ABR: variants seen among roughly 807,000 people sequenced by gnomAD.
ABR encodes the protein ABR activator of RhoGEF and GTPase.
A neutral mutation model predicts 107.2 loss-of-function variants in ABR; 35 were observed. The ratio of observed to expected loss-of-function variants is 0.33; its 90% confidence interval spans 0.25 to 0.43. The LOEUF is 0.43. ABR is among the 20% of genes least tolerant of loss of function. ABR has a pLI of 1.00. For missense variants in ABR, 815 were observed against 1,115.2 expected (o/e 0.73, Z 3.83); for synonymous variants, 498 against 462.0 (o/e 1.08, Z -1.00).
At chr17:1,055,459 T>C (rs1260182886) in intron 14 of ABR, 1 of 152,412 alleles carries the variant, frequency 6.6e-6, no homozygotes, top group African/African-American at 2.4e-5. Context: ...TGGGCAGATA[T>C]GAAGTTGGAG....
chr17:1,160,074 G>A (rs1282866011), intron 1 of ABR, among the ~76,000 whole-genome samples: 3 of 152,152 alleles, frequency 2.0e-5, no homozygotes, highest in Non-Finnish European at 4.4e-5. Flanking sequence ...AGACAGGGAG[G>A]TAGGGCGCAG....
Position 1,046,686 on chromosome 17 carries a change from C to T in ABR, c.1791+3364G>A, listed in dbSNP as rs555758722. ...ATTAGCCATGCCACGGCCCTCTGTC[C>T]GGGCTGGGGGATTCGTTGACAAAGG... is the stretch of plus-strand genomic sequence containing the variant. On this transcript the variant is annotated intron_variant, in intron 16 of 22. Transcript: ENST00000302538. Among the ~76,000 whole-genome samples, 8 of 152,320 alleles carry T rather than the reference C, an allele frequency of 5.3e-5. No homozygotes were observed. In the East Asian group the frequency reaches 1.4e-3, roughly 26 times the overall value.
intron 14 of ABR, chr17:1,055,703 A>G (rs2033191709): frequency 4.4e-6 from 1 of 226,998 alleles, no homozygotes; most frequent in Admixed American, 4.9e-5. Flanking sequence ...TAATTTTAGT[A>G]TTTTTAGTAG....
At chr17:1,221,639 G>A (rs2043121552) in intron 1 of ABR, among the ~76,000 whole-genome samples, 1 of 152,206 alleles carries the variant, frequency 6.6e-6, no homozygotes, top group South Asian at 2.1e-4. Context: ...TTAAAGGAGG[G>A]GTTGGTTTGG....
chr17:1,183,761 G>A (rs2042207477), upstream of ABR, among the ~76,000 whole-genome samples: 1 of 152,290 alleles, frequency 6.6e-6, no homozygotes, highest in East Asian at 1.9e-4. Context: ...CCATGCGGGG[G>A]CCAGGCAGGG....
At chr17:1,211,016 A>G (rs1468935051) in intron 1 of ABR, among the ~76,000 whole-genome samples, 1 of 152,202 alleles carries the variant, frequency 6.6e-6, no homozygotes, top group East Asian at 1.9e-4. Context: ...GTGGTGGCTC[A>G]CGCCTATAAT....
At chr17:1,066,820 C>T (rs990014164) in intron 10 of ABR, among the ~76,000 whole-genome samples, 2 of 152,134 alleles carry the variant, frequency 1.3e-5, no homozygotes, top group Non-Finnish European at 2.9e-5. Flanking sequence ...TGAGCCACTG[C>T]GCCTGGCTAC....
chr17:1,152,105 CG>C (rs1416401503), intron 1 of ABR, among the ~76,000 whole-genome samples: 1 of 152,004 alleles, frequency 6.6e-6, no homozygotes, highest in Non-Finnish European at 1.5e-5. Context: ...CTGGTTAACA[CG>C]GGGAAACCCC....
intron 1 of ABR, among the ~76,000 whole-genome samples, chr17:1,144,011 G>A (rs1462912050): frequency 6.6e-6 from 1 of 152,110 alleles, no homozygotes; most frequent in African/African-American, 2.4e-5. Flanking sequence ...CTTTGACACG[G>A]GGGAAAACTG....
At chr17:1,215,301 C>G (rs559010159) in intron 1 of ABR, among the ~76,000 whole-genome samples, 3 of 151,700 alleles carry the variant, frequency 2.0e-5, no homozygotes, top group Admixed American at 1.3e-4. Flanking sequence ...CGAAGCTGGA[C>G]TGTACTGCTG....
chr17:1,221,682 T>TAC (rs1241173083), intron 1 of ABR, among the ~76,000 whole-genome samples: 2 of 152,080 alleles, frequency 1.3e-5, no homozygotes, highest in African/African-American at 4.8e-5. Flanking sequence ...GCGGGAGGGC[T>TAC]CTTCAAACGC....
At chr17:1,063,545 G>C (rs1597626058) in intron 10 of ABR, among the ~76,000 whole-genome samples, 1 of 142,732 alleles carries the variant, frequency 7.0e-6, no homozygotes, top group African/African-American at 2.5e-5. Flanking sequence ...GGCTATGCAT[G>C]TTCCTCTAGA....
chr17:1,165,894 G>A (rs372590433), intron 1 of ABR, among the ~76,000 whole-genome samples: 1 of 152,264 alleles, frequency 6.6e-6, no homozygotes, highest in Non-Finnish European at 1.5e-5. Context: ...CTGAGTCCAG[G>A]GCGTAGACCC....
At chr17:1,202,315 A>G (rs1370557994) in intron 1 of ABR, among the ~76,000 whole-genome samples, 3 of 152,222 alleles carry the variant, frequency 2.0e-5, no homozygotes, top group African/African-American at 7.2e-5. Flanking sequence ...GGTGTGAGAC[A>G]CCGCACCTGG....
Position 1,053,257 on chromosome 17 carries a change from GGC to G in ABR, c.1562-2625_1562-2624del, listed in dbSNP as rs1274260699. 1.7e-4 allele frequency among the ~76,000 whole-genome samples: 9 copies of G among 53,206 alleles called. 1 individual carries two copies. The highest frequency in any genetic ancestry group is 6.4e-4 in the East Asian group (1 of 1,570). The allele number at this position is 53,206 out of a possible 152,430, so 34.9% of individuals were successfully genotyped here. A position where few individuals can be genotyped will look rare whatever the true frequency, so the allele number is the denominator to read the frequency against. On this transcript the variant is annotated intron_variant, in intron 14 of 22. Transcript: ENST00000302538. ...GGGTCAGAGGGAGGGTTCCGGAAGGGGCTGGGGGAGGGTTCACAGGGTCAGAG... is the reference window on the plus strand; with the variant it reads ...GGGTCAGAGGGAGGGTTCCGGAAGGGTGGGGGAGGGTTCACAGGGTCAGAG...
intron 16 of ABR, among the ~76,000 whole-genome samples, chr17:1,014,326 A>G (rs2070944804): frequency 7.6e-6 from 1 of 131,774 alleles, no homozygotes; most frequent in Non-Finnish European, 1.6e-5. Context: ...CTGTAGTCCC[A>G]GCTACTTGGG....
chr17:1,212,138 A>T (rs2042915021), intron 1 of ABR, among the ~76,000 whole-genome samples: 2 of 142,212 alleles, frequency 1.4e-5, no homozygotes, highest in Admixed American at 1.4e-4. Flanking sequence ...TTAAACTGAG[A>T]TACAAAGAGG....
chr17:1,062,089 T>C (rs181578059), intron 10 of ABR, among the ~76,000 whole-genome samples: 152 of 152,318 alleles, frequency 1.0e-3, no homozygotes, highest in African/African-American at 3.4e-3. Context: ...AGGCCTAAGC[T>C]GAACCTGAGA....
intron 1 of ABR, among the ~76,000 whole-genome samples, chr17:1,185,654 TAAAAAAAA>T (rs775804045): frequency 1.5e-4 from 6 of 39,352 alleles, no homozygotes; most frequent in East Asian, 1.6e-3. Context: ...CAGAAAGAAA[TAAAAAAAA>T]AAAAAAAAAA....
Sources: gnomAD v4.1 joint callset for allele counts (sites outside exome capture counted in the v4.1 genomes callset) on GRCh38, gnomAD v4.1.1 for gene constraint, MANE v1.5 for transcripts, NCBI Gene and HGNC (gene_info 2026-07-23, HGNC 2026-07-21) for gene names.